Variants in LZTFL1 observed in about 807,000 individuals in gnomAD.
LZTFL1 encodes leucine zipper transcription factor like 1, also known as leucine zipper transcription factor-like protein 1.
LZTFL1 carries 25 observed loss-of-function variants against 45.9 expected under a neutral mutation model. The observed-to-expected ratio is 0.54, with a 90% confidence interval of 0.40 to 0.76. The LOEUF (loss-of-function observed/expected upper bound fraction) is 0.76, where lower values mean the gene tolerates loss of function less well. LZTFL1 is among the 30% of genes least tolerant of loss of function. The pLI, the probability that LZTFL1 is intolerant of heterozygous loss-of-function variation, is 0.00. For synonymous variants in LZTFL1, 93 were observed against 117.4 expected (o/e 0.79, Z 1.35); for missense variants, 277 against 331.1 (o/e 0.84, Z 1.27).
At chr3:45,857,900 A>G (rs1458536752) in intron 3 of LZTFL1, among the ~76,000 whole-genome samples, 3 of 152,178 alleles carry the variant, frequency 2.0e-5, no homozygotes, top group African/African-American at 7.2e-5. Flanking sequence ...CCCCAAGTCC[A>G]TAGTTTATTT....
intron 2 of LZTFL1, among the ~76,000 whole-genome samples, chr3:45,890,379 G>C (rs1173909368): frequency 1.2e-4 from 2 of 17,360 alleles, no homozygotes; most frequent in Non-Finnish European, 2.8e-4. Flanking sequence ...TATATAAAGT[G>C]TTTTCTAATT....
At chr3:45,829,608 G>GAAAAAAAAAAAA (rs1206418827) in intron 7 of LZTFL1, among the ~76,000 whole-genome samples, 1 of 58,932 alleles carries the variant, frequency 1.7e-5, no homozygotes, top group Non-Finnish European at 3.3e-5. Flanking sequence ...TGTCTCAAAA[G>GAAAAAAAAAAAA]AAAAAAAAAA....
chr3:45,846,857 TCTGA>T (rs893065560), upstream of LZTFL1, among the ~76,000 whole-genome samples: 4 of 152,142 alleles, frequency 2.6e-5, no homozygotes, highest in African/African-American at 9.7e-5. Context: ...ATAATTTCTG[TCTGA>T]CTTTTTCTTT....
At chr3:45,833,818 G>C (rs1287423889) in intron 4 of LZTFL1, among the ~76,000 whole-genome samples, 1 of 152,170 alleles carries the variant, frequency 6.6e-6, no homozygotes, top group Non-Finnish European at 1.5e-5. Flanking sequence ...AAGAGAGGTA[G>C]ATAACTACTA....
chr3:45,855,217 A>G lies in LZTFL1; in HGVS notation c.-137-143T>C. 5.5e-6 allele frequency: 3 copies of G among 547,772 alleles called. No homozygotes were observed. The East Asian group carries it at 9.6e-5, about 17-fold the overall frequency. 33.9% of individuals were successfully genotyped at this position (547,772 alleles called of 1,614,324 possible). A position where few individuals can be genotyped will look rare whatever the true frequency, so the allele number is the denominator to read the frequency against. On this transcript the variant is annotated intron_variant, in intron 3 of 4. Transcript: ENST00000472635. ...CACATCAAAAAGCTTATCCACCACA[A>G]TCAAGTCGGCTTCATCCCCATGATG... is the stretch of plus-strand genomic sequence containing the variant.
chr3:45,853,959 CCCTA>C (rs1701346836), intron 4 of LZTFL1, among the ~76,000 whole-genome samples: 1 of 152,166 alleles, frequency 6.6e-6, no homozygotes, highest in African/African-American at 2.4e-5. Flanking sequence ...TTCTCCTCCT[CCCTA>C]CTGAAACAGA....
intron 4 of LZTFL1, among the ~76,000 whole-genome samples, chr3:45,848,032 G>A (rs191807749): frequency 5.3e-4 from 80 of 152,116 alleles, no homozygotes; most frequent in South Asian, 4.2e-4. Flanking sequence ...TAAAATTATC[G>A]ACCCATCCTT....
At chr3:45,893,045 G>T (rs1042905788) in intron 2 of LZTFL1, among the ~76,000 whole-genome samples, 3 of 152,130 alleles carry the variant, frequency 2.0e-5, no homozygotes, top group Non-Finnish European at 2.9e-5. Context: ...ATACACCCTT[G>T]CGAAGCTCTC....
At chr3:45,890,354 T>TATATATTTATATAA (rs1702138897) in intron 2 of LZTFL1, among the ~76,000 whole-genome samples, 3 of 3,360 alleles carry the variant, frequency 8.9e-4, no homozygotes, top group Non-Finnish European at 1.6e-3. Context: ...ATATAACATA[T>TATATATTTATATAA]ATATATATAT....
At chr3:45,860,728 GT>G in intron 2 of LZTFL1, among the ~76,000 whole-genome samples, 1 of 152,326 alleles carries the variant, frequency 6.6e-6, no homozygotes, top group South Asian at 2.1e-4. Context: ...CAGGCTCCGG[GT>G]GGAGCTTTGG....
chr3:45,888,408 C>T (rs1702048558), intron 2 of LZTFL1, among the ~76,000 whole-genome samples: 1 of 152,224 alleles, frequency 6.6e-6, no homozygotes, highest in African/African-American at 2.4e-5. Context: ...ATAGCACTTT[C>T]CCTTTGTTGT....
At chr3:45,908,500 A>T (rs1559430550) in intron 2 of LZTFL1, among the ~76,000 whole-genome samples, 1 of 152,202 alleles carries the variant, frequency 6.6e-6, no homozygotes. Flanking sequence ...GATGGTTATC[A>T]GTACAGGAAG....
exon 1 of LZTFL1, chr3:45,915,575 G>A (rs949200915): frequency 1.1e-5 from 5 of 450,444 alleles, no homozygotes; most frequent in Admixed American, 9.7e-5. Flanking sequence ...AGACAGACCT[G>A]TCCTAGAAAC....
rs1700607468 is a variant in LZTFL1, at chr3:45,824,217, G to A, written c.*2097C>T. Reference sequence around the variant, plus strand: ...CTTAGCACATCAAAAGTCTAATCAAGGCTCAAACCACCATCCTTAGAAATC... The same window carrying A: ...CTTAGCACATCAAAAGTCTAATCAAAGCTCAAACCACCATCCTTAGAAATC... On this transcript the variant is annotated 3_prime_UTR_variant, in exon 10 of 10. Transcript: ENST00000296135. 6.6e-6 allele frequency: 1 copy of A among 151,944 alleles called. No homozygotes were observed. Among genetic ancestry groups the A allele is most frequent in the African/African-American group, 2.4e-5 (1 of 41,346 alleles). 9.4% of individuals were successfully genotyped at this position (151,944 alleles called of 1,614,324 possible).
chr3:45,872,426 G>T (rs1184574307), intron 2 of LZTFL1, among the ~76,000 whole-genome samples: 1 of 152,314 alleles, frequency 6.6e-6, no homozygotes, highest in African/African-American at 2.4e-5. Flanking sequence ...TCCACTCTTT[G>T]TGAATGTGGC....
intron 2 of LZTFL1, among the ~76,000 whole-genome samples, chr3:45,879,969 T>G (rs558888691): frequency 2.0e-5 from 3 of 152,300 alleles, no homozygotes; most frequent in Admixed American, 1.3e-4. Context: ...TGTGTCCTCC[T>G]TCCATCAGGG....
chr3:45,847,811 C>G (rs1346668159), intron 4 of LZTFL1, among the ~76,000 whole-genome samples: 1 of 152,240 alleles, frequency 6.6e-6, no homozygotes, highest in East Asian at 1.9e-4. Context: ...TTTCCTATTA[C>G]ATTTTGGTGC....
chr3:45,837,986 T>C lies in LZTFL1; in HGVS notation c.69A>G (p.Ser23=), dbSNP rs369723198. ...CAGTTTTGAGTCTCAAGCCTCTCTT[T>C]GAACGAGCAAAACGCATATAATTAA... ...EVINYMRFAR[S]KRGLRLKTVD... is the part of the protein sequence containing the mutation. Residue 23 remains serine, a synonymous_variant, in exon 2 of 10, where the codon TCA becomes TCG. Transcript: ENST00000296135. 16 of 1,613,744 alleles carry C rather than the reference T, an allele frequency of 9.9e-6. No individual in the cohort carries two copies. The highest frequency in any genetic ancestry group is 1.3e-5 in the Non-Finnish European group (15 of 1,179,964).
Position 45,835,592 on chromosome 3 carries a change from G to T in LZTFL1, c.321C>A (p.Asn107Lys). The T allele has an allele frequency of 1.2e-6, 2 of 1,613,514 alleles. No homozygotes were observed. Among genetic ancestry groups the T allele is most frequent in the Non-Finnish European group, 1.7e-6 (2 of 1,179,730 alleles). The change falls in exon 3 of 10, where the codon AAC (asparagine) becomes AAA (lysine). Residue 107 changes from asparagine (N) to lysine (K), a missense_variant and splice_region_variant. Asn to Lys is a moderately conservative substitution (Grantham distance 94). Coordinates refer to ENST00000296135, the MANE Select transcript of LZTFL1 (RefSeq NM_020347.4). Reference sequence around the variant, plus strand: ...GTTGCAAGTTCAAATTTTATTACCGGTTTTCAAGTTCAGAGATGTCTGTCT... The same window carrying T: ...GTTGCAAGTTCAAATTTTATTACCGTTTTTCAAGTTCAGAGATGTCTGTCT... Reference protein sequence around the residue: ...KLQTDISELENRELLEQVAEF... With the variant: ...KLQTDISELEKRELLEQVAEF...
Sources: gnomAD v4.1 joint callset for allele counts (sites outside exome capture counted in the v4.1 genomes callset) on GRCh38, gnomAD v4.1.1 for gene constraint, MANE v1.5 for transcripts, NCBI Gene and HGNC (gene_info 2026-07-23, HGNC 2026-07-21) for gene names.